The following PALM2AKAP2 variants were observed in gnomAD, a reference collection of about 807,000 sequenced individuals.
PALM2AKAP2 encodes the protein PALM2 and AKAP2 fusion.
Under a neutral mutation model 71.5 loss-of-function variants are expected in PALM2AKAP2, and 37 were observed. The ratio of observed to expected loss-of-function variants is 0.52; its 90% CI spans 0.40 to 0.68. The LOEUF (loss-of-function observed/expected upper bound fraction) is 0.68. Ranked by LOEUF, PALM2AKAP2 falls within the 30% of genes least tolerant of loss-of-function variation. The pLI is 0.00. For missense variants in PALM2AKAP2, 1,224 were observed against 1,191.8 expected, an observed-to-expected ratio of 1.03 and a Z score of -0.40; for synonymous variants, 468 against 478.8, an observed-to-expected ratio of 0.98 and a Z score of 0.29.
At chr9:110,136,169 G>A (rs193920924) in exon 2 of PALM2AKAP2, 20 of 1,604,316 alleles carry the variant, frequency 1.2e-5, no homozygotes, top group South Asian at 3.4e-5. Flanking sequence ...GCTAAAAAGC[G>A]AGGGAGACAA....
intron 1 of PALM2AKAP2, among the ~76,000 whole-genome samples, chr9:109,723,946 GA>G (rs1480865212): frequency 6.6e-6 from 1 of 152,198 alleles, no homozygotes; most frequent in Non-Finnish European, 1.5e-5. Context: ...GTCAGGACCA[GA>G]AGTTTGGACT....
At chr9:110,125,334 G>GC (rs1835575472) in intron 1 of PALM2AKAP2, among the ~76,000 whole-genome samples, 1 of 152,196 alleles carries the variant, frequency 6.6e-6, no homozygotes, top group Non-Finnish European at 1.5e-5. Flanking sequence ...ACAGGAGCAG[G>GC]CCGGGCCTGC....
In PALM2AKAP2 at chr9:109,844,432, A is replaced by G. The variant is rs186982950; in HGVS notation, c.46-23059A>G. The stretch of plus-strand genomic sequence containing the variant: ...AACAAAGAAAGAACACTTGTGGGGG[A>G]AAAAAAATAGTGCAACCCAGAGTCT... On this transcript the variant is annotated intron_variant, in intron 1 of 9. Transcript: ENST00000302798. 3.0e-3 allele frequency among the ~76,000 whole-genome samples: 453 copies of G among 152,030 alleles called. 2 individuals carry two copies. The highest frequency in any genetic ancestry group is 0.01 in the African/African-American group (434 of 41,404).
chr9:109,660,438 C>G (rs1038332439), intron 1 of PALM2AKAP2, among the ~76,000 whole-genome samples: 1 of 151,980 alleles, frequency 6.6e-6, no homozygotes, highest in Non-Finnish European at 1.5e-5. Context: ...TGAGTGAGAA[C>G]ATGCTGTGTT....
intron 1 of PALM2AKAP2, among the ~76,000 whole-genome samples, chr9:109,843,140 CAAA>C (rs60510582): frequency 1.6e-5 from 1 of 62,844 alleles, no homozygotes. Flanking sequence ...AACTCGGTCT[CAAA>C]AAAAAAAAAA....
intron 1 of PALM2AKAP2, among the ~76,000 whole-genome samples, chr9:110,071,348 G>A (rs1035038677): frequency 1.3e-5 from 2 of 152,086 alleles, no homozygotes; most frequent in African/African-American, 4.8e-5. Context: ...TTGCTTTAGC[G>A]AGGTCCCAAA....
At chr9:110,135,977 T>C in intron 1 of PALM2AKAP2, 150 bp from the exon 8 acceptor site, 1 of 1,051,464 alleles carries the variant, frequency 9.5e-7, no homozygotes, top group South Asian at 2.1e-5. Flanking sequence ...AAAATGAACA[T>C]TTAAGGGATT....
intron 1 of PALM2AKAP2, among the ~76,000 whole-genome samples, chr9:109,813,773 T>C (rs1383767456): frequency 6.6e-6 from 1 of 152,168 alleles, no homozygotes; most frequent in Middle Eastern, 3.2e-3. Flanking sequence ...CGTGTTGTCC[T>C]GGACTTTTCA....
At chr9:109,953,468 G>C (rs867528732) in intron 6 of PALM2AKAP2, among the ~76,000 whole-genome samples, 1 of 152,266 alleles carries the variant, frequency 6.6e-6, no homozygotes, top group Middle Eastern at 3.4e-3. Context: ...GTGGGGTGGA[G>C]GAGGGCCAAG....
At chr9:110,161,400 T>G (rs28464109) in intron 3 of PALM2AKAP2, among the ~76,000 whole-genome samples, 3,242 of 152,268 alleles carry the variant, frequency 0.021, 103 homozygotes, top group African/African-American at 0.075. Flanking sequence ...GTCAGGCCAT[T>G]TTTTTCTGTA....
chr9:109,984,142 T>C (rs1564245388), intron 6 of PALM2AKAP2, among the ~76,000 whole-genome samples: 1 of 152,190 alleles, frequency 6.6e-6, no homozygotes, highest in African/African-American at 2.4e-5. Context: ...TTGAGACCCT[T>C]AACCCTATAT....
At chr9:109,972,412 T>C (rs1832085423) in intron 6 of PALM2AKAP2, among the ~76,000 whole-genome samples, 1 of 152,086 alleles carries the variant, frequency 6.6e-6, no homozygotes, top group South Asian at 2.1e-4. Context: ...TTAGGGTGAG[T>C]ATGACTCAGT....
intron 6 of PALM2AKAP2, among the ~76,000 whole-genome samples, chr9:109,974,683 C>A (rs967613705): frequency 6.6e-6 from 1 of 152,134 alleles, no homozygotes; most frequent in South Asian, 2.1e-4. Flanking sequence ...GTAAGAAATA[C>A]CATTTTCTCA....
chr9:109,736,658 A>G (rs1828640055), intron 1 of PALM2AKAP2, among the ~76,000 whole-genome samples: 1 of 152,190 alleles, frequency 6.6e-6, no homozygotes, highest in Non-Finnish European at 1.5e-5. Flanking sequence ...AAATGTATCT[A>G]TCGCGTAGTG....
chr9:109,969,088 G>GCACACACACACACACACA (rs34057385), intron 6 of PALM2AKAP2, among the ~76,000 whole-genome samples: 5,953 of 149,590 alleles, frequency 0.04, 153 homozygotes, highest in Non-Finnish European at 0.059. Context: ...AAATGTGCGT[G>GCACACACACACACACACA]CACACACACA....
intron 1 of PALM2AKAP2, among the ~76,000 whole-genome samples, chr9:110,061,300 G>T (rs958523794): frequency 1.3e-5 from 2 of 152,178 alleles, no homozygotes; most frequent in African/African-American, 4.8e-5. Flanking sequence ...AGTGGAGGAA[G>T]ACATAATACA....
rs78256704 is a variant in PALM2AKAP2, at chr9:110,149,524, C to T, written c.2570-6795C>T. Reference sequence around the variant, plus strand: ...AAAAGAATCAAAAGTGATTCATAATCCTACTCCCCCAGGAATAACCACCTT... The same window carrying T: ...AAAAGAATCAAAAGTGATTCATAATTCTACTCCCCCAGGAATAACCACCTT... On this transcript the variant is annotated intron_variant, in intron 2 of 3. Coordinates refer to ENST00000374525, the Ensembl canonical transcript of PALM2AKAP2. Among the ~76,000 whole-genome samples the T allele has an allele frequency of 1.8e-3, 279 of 152,340 alleles. 1 individual carries two copies. The highest frequency in any genetic ancestry group is 0.014 in the Middle Eastern group (4 of 294).
At chr9:109,640,917 C>T in intron 1 of PALM2AKAP2, 1 of 1,487,574 alleles carries the variant, frequency 6.7e-7, no homozygotes, top group Non-Finnish European at 8.9e-7. Flanking sequence ...GGCATGTTGC[C>T]ATGGTGACCG....
At chr9:109,844,548 A>C (rs1828797234) in intron 1 of PALM2AKAP2, among the ~76,000 whole-genome samples, 1 of 152,260 alleles carries the variant, frequency 6.6e-6, no homozygotes, top group Admixed American at 6.5e-5. Context: ...GAAGCTGGGT[A>C]ATGAATAGAT....
Sources: allele counts gnomAD v4.1 joint callset (sites outside exome capture counted in the v4.1 genomes callset), GRCh38; gene constraint gnomAD v4.1.1; transcripts MANE v1.5; gene names NCBI Gene and HGNC (gene_info 2026-07-23, HGNC 2026-07-21).